Variants in CBFA2T2 observed in about 807,000 individuals in gnomAD.
CBFA2T2 encodes the protein protein CBFA2T2.
CBFA2T2 carries 11 observed loss-of-function variants against 62.2 expected under a neutral mutation model. The observed-to-expected ratio is 0.18, with a 90% CI of 0.11 to 0.29. The LOEUF is 0.29. Among genes scored for constraint, CBFA2T2 ranks in the 10% least tolerant of loss-of-function variants. The pLI is 1.00. For synonymous variants in CBFA2T2, 295 were observed against 287.5 expected, an observed-to-expected ratio of 1.03 and a Z score of -0.27; for missense variants, 592 against 774.1, an observed-to-expected ratio of 0.76 and a Z score of 2.79.
intron 1 of CBFA2T2, among the ~76,000 whole-genome samples, chr20:33,538,887 A>G (rs1342839193): frequency 6.7e-6 from 1 of 150,080 alleles, no homozygotes; most frequent in Non-Finnish European, 1.5e-5. Flanking sequence ...TCTGTGAGGT[A>G]TTCTCTCAGT....
Position 33,644,519 on chromosome 20 carries a change from G to T in CBFA2T2, c.1661G>T (p.Gly554Val). ...CAGGGCCGGCCGCTGCTTCCTGTAG[G>T]CAGGGGCTCCTCTGCCAGGTCCGCC... is the stretch of plus-strand genomic sequence containing the variant. ...HGQGRPLLPV[G>V]RGSSARSADC... Residue 554 changes from glycine to valine, a missense_variant, in exon 11 of 11, where the codon GGC becomes GTC. By Grantham distance (109) the Gly-to-Val change is moderately radical. Coordinates refer to ENST00000342704, the MANE Select transcript of CBFA2T2 (RefSeq NM_001032999.3). 1 of 1,614,062 alleles carries T rather than the reference G, an allele frequency of 6.2e-7. No homozygotes were observed. The highest frequency in any genetic ancestry group is 1.1e-5 in the South Asian group (1 of 91,080).
chr20:33,620,605 C>T (rs535809124), intron 4 of CBFA2T2, among the ~76,000 whole-genome samples: 12 of 152,242 alleles, frequency 7.9e-5, no homozygotes, highest in East Asian at 3.9e-4. Context: ...GTTGGGAGGC[C>T]GAGGCAGGCA....
intron 2 of CBFA2T2, among the ~76,000 whole-genome samples, chr20:33,609,345 A>G (rs548857445): frequency 6.6e-6 from 1 of 152,104 alleles, no homozygotes; most frequent in South Asian, 2.1e-4. Context: ...TACTAAAAAT[A>G]CAAAAAATTA....
At chr20:33,536,190 C>A (rs1284223932) in intron 1 of CBFA2T2, among the ~76,000 whole-genome samples, 4 of 152,194 alleles carry the variant, frequency 2.6e-5, no homozygotes, top group Non-Finnish European at 4.4e-5. Context: ...TTGGGTACAC[C>A]TCCCAGACGG....
intron 1 of CBFA2T2, among the ~76,000 whole-genome samples, chr20:33,499,999 G>A (rs917367481): frequency 1.8e-4 from 28 of 151,788 alleles, no homozygotes; most frequent in Middle Eastern, 3.4e-3. Flanking sequence ...AGTCTCTGTC[G>A]CTCAGGCTGA....
intron 1 of CBFA2T2, among the ~76,000 whole-genome samples, chr20:33,579,119 T>TTG (rs1555837767): frequency 6.6e-6 from 1 of 151,156 alleles, no homozygotes; most frequent in African/African-American, 2.4e-5. Flanking sequence ...TTTTTTGTTT[T>TTG]TTTTTTTTTT....
chr20:33,596,740 T>A (rs766475695), intron 1 of CBFA2T2, among the ~76,000 whole-genome samples: 19 of 152,164 alleles, frequency 1.2e-4, no homozygotes, highest in Non-Finnish European at 2.2e-4. Flanking sequence ...TCCACACTTT[T>A]ATATCCAGCT....
intron 8 of CBFA2T2, among the ~76,000 whole-genome samples, chr20:33,633,673 T>G (rs2122367500): frequency 6.6e-6 from 1 of 152,312 alleles, no homozygotes; most frequent in Admixed American, 6.5e-5. Context: ...AAAATGCTTA[T>G]CACAGAGATC....
At chr20:33,614,560 C>A (rs1288942845) in intron 3 of CBFA2T2, among the ~76,000 whole-genome samples, 1 of 152,120 alleles carries the variant, frequency 6.6e-6, no homozygotes, top group East Asian at 1.9e-4. Context: ...AATAATACCC[C>A]ATTCCCCCCT....
intron 1 of CBFA2T2, among the ~76,000 whole-genome samples, chr20:33,575,120 G>A (rs1219449492): frequency 6.6e-6 from 1 of 152,200 alleles, no homozygotes; most frequent in Non-Finnish European, 1.5e-5. Flanking sequence ...AAACCATATG[G>A]TTGTTTGCGC....
chr20:33,491,805 T>A (rs547826196), intron 1 of CBFA2T2, among the ~76,000 whole-genome samples: 1 of 151,828 alleles, frequency 6.6e-6, no homozygotes, highest in Non-Finnish European at 1.5e-5. Context: ...GGGTTCAAGC[T>A]ATTCTCCTGT....
intron 1 of CBFA2T2, among the ~76,000 whole-genome samples, chr20:33,590,174 A>T (rs1183497452): frequency 6.6e-6 from 1 of 150,894 alleles, no homozygotes; most frequent in East Asian, 1.9e-4. Context: ...TGAACCCAGG[A>T]GGTTCAGGCT....
chr20:33,623,246 A>C lies in CBFA2T2; in HGVS notation c.642A>C (p.Ser214=), dbSNP rs763065839. The C allele has an allele frequency of 3.7e-6, 6 of 1,614,250 alleles. No individual in the cohort carries two copies. The highest frequency in any genetic ancestry group is 5.1e-6 in the Non-Finnish European group (6 of 1,180,044). Residue 214 remains serine (S), a synonymous_variant, in exon 5 of 11, where the codon TCA becomes TCC. Coordinates refer to ENST00000342704, the MANE Select transcript of CBFA2T2 (RefSeq NM_001032999.3). ...GCATTGCATCGCCTGCTGACTCGTC[A>C]GAGTTGCTCATGGAGGTGCACGGAA... ...NTSIASPADS[S]ELLMEVHGNG...
intron 1 of CBFA2T2, among the ~76,000 whole-genome samples, chr20:33,498,500 A>T (rs142694196): frequency 6.6e-6 from 1 of 150,398 alleles, no homozygotes; most frequent in Non-Finnish European, 1.5e-5. Flanking sequence ...TCATCTGCCC[A>T]CCTCGGCCTC....
intron 1 of CBFA2T2, among the ~76,000 whole-genome samples, chr20:33,575,985 CA>C (rs1406794315): frequency 3.3e-5 from 5 of 151,652 alleles, no homozygotes; most frequent in African/African-American, 1.2e-4. Context: ...GACGGGGTTT[CA>C]CCATGTTAGC....
chr20:33,531,391 A>C (rs2012056945), intron 1 of CBFA2T2, among the ~76,000 whole-genome samples: 1 of 152,172 alleles, frequency 6.6e-6, no homozygotes, highest in Admixed American at 6.5e-5. Context: ...CCAGAATCCT[A>C]CTCACACTGC....
intron 6 of CBFA2T2, among the ~76,000 whole-genome samples, chr20:33,626,985 C>T (rs2016257296): frequency 6.6e-6 from 1 of 152,188 alleles, no homozygotes; most frequent in Admixed American, 6.5e-5. Context: ...TTGGCAGAGA[C>T]AAAATTCAGA....
intron 1 of CBFA2T2, among the ~76,000 whole-genome samples, chr20:33,584,833 A>G (rs2014294396): frequency 6.6e-6 from 1 of 152,168 alleles, no homozygotes; most frequent in Admixed American, 6.5e-5. Flanking sequence ...GGTGTGTTTA[A>G]GCATTTACTA....
chr20:33,516,120 C>A (rs1477176450), intron 1 of CBFA2T2, among the ~76,000 whole-genome samples: 1 of 151,538 alleles, frequency 6.6e-6, no homozygotes, highest in African/African-American at 2.4e-5. Flanking sequence ...AGAGACAGAG[C>A]AAGACCCGGC....
Sources: allele counts gnomAD v4.1 joint callset (sites outside exome capture counted in the v4.1 genomes callset), GRCh38; gene constraint gnomAD v4.1.1; transcripts MANE v1.5; gene names NCBI Gene and HGNC (gene_info 2026-07-23, HGNC 2026-07-21).